The following ADAMTS12 variants were observed in gnomAD, a reference collection of about 807,000 sequenced individuals.
ADAMTS12 encodes ADAM metallopeptidase with thrombospondin type 1 motif 12.
In ADAMTS12, 118 loss-of-function variants were observed where a neutral mutation model predicts 167.8. The observed-to-expected ratio is 0.70, with a 90% CI of 0.61 to 0.82. ADAMTS12 has a LOEUF of 0.82. Ranked by LOEUF, ADAMTS12 falls within the 40% of genes least tolerant of loss-of-function variation. The probability of loss-of-function intolerance (pLI) is 0.00; values close to 1 mark genes in which losing one functional copy is unlikely to be tolerated. For missense variants in ADAMTS12, 1,916 were observed against 1,998.8 expected (o/e 0.96, Z 0.79); for synonymous variants, 704 against 716.9 (o/e 0.98, Z 0.29).
chr5:33,754,441 C>G (rs914585034), intron 2 of ADAMTS12, among the ~76,000 whole-genome samples: 1 of 152,202 alleles, frequency 6.6e-6, no homozygotes, highest in Non-Finnish European at 1.5e-5. Context: ...GATAAACATG[C>G]CCCTTCACCT....
chr5:33,730,059 T>G (rs975778911), intron 3 of ADAMTS12, among the ~76,000 whole-genome samples: 1 of 152,224 alleles, frequency 6.6e-6, no homozygotes, highest in African/African-American at 2.4e-5. Flanking sequence ...AGAAGGCTTC[T>G]TTCTTCCACC....
chr5:33,599,786 G>T (rs912612550), intron 16 of ADAMTS12, among the ~76,000 whole-genome samples: 1 of 152,054 alleles, frequency 6.6e-6, no homozygotes, highest in East Asian at 1.9e-4. Flanking sequence ...TCTGAAAATC[G>T]ATTGCTGAAA....
chr5:33,788,814 C>T (rs1277308338), intron 2 of ADAMTS12, among the ~76,000 whole-genome samples: 1 of 152,184 alleles, frequency 6.6e-6, no homozygotes, highest in Non-Finnish European at 1.5e-5. Context: ...CACACATTCA[C>T]CTTTGTTCTT....
chr5:33,861,506 A>G (rs1158741386), intron 2 of ADAMTS12, among the ~76,000 whole-genome samples: 1 of 152,228 alleles, frequency 6.6e-6, no homozygotes, highest in Non-Finnish European at 1.5e-5. Context: ...CACCCAATAC[A>G]GCAACACCCA....
At chr5:33,597,503 C>T (rs535893404) in intron 16 of ADAMTS12, among the ~76,000 whole-genome samples, 3 of 152,204 alleles carry the variant, frequency 2.0e-5, no homozygotes, top group Admixed American at 6.5e-5. Flanking sequence ...AGGGGCTTTC[C>T]CTCAGTCACA....
intron 2 of ADAMTS12, among the ~76,000 whole-genome samples, chr5:33,845,620 T>C (rs1363019459): frequency 1.3e-5 from 2 of 152,186 alleles, no homozygotes; most frequent in African/African-American, 4.8e-5. Context: ...TTTCAAAGCA[T>C]TTTCCCTCAA....
intron 3 of ADAMTS12, among the ~76,000 whole-genome samples, chr5:33,705,448 T>C (rs1345394070): frequency 6.6e-6 from 1 of 152,132 alleles, no homozygotes; most frequent in East Asian, 1.9e-4. Flanking sequence ...AGATGAATAG[T>C]TTTCCCATAT....
intron 3 of ADAMTS12, among the ~76,000 whole-genome samples, chr5:33,729,285 T>C (rs186334057): frequency 6.6e-6 from 1 of 152,360 alleles, no homozygotes; most frequent in East Asian, 1.9e-4. Context: ...TAAGCTTTTA[T>C]AGAGTGAATG....
At chr5:33,682,976 T>G in intron 5 of ADAMTS12, 42 bp downstream of exon 5, 1 of 1,546,372 alleles carries the variant, frequency 6.5e-7, no homozygotes, top group Non-Finnish European at 8.9e-7. Flanking sequence ...AGGTAGGAAG[T>G]GCGAGGACAT....
chr5:33,568,401 A>T (rs1746122761), intron 19 of ADAMTS12, among the ~76,000 whole-genome samples: 1 of 152,214 alleles, frequency 6.6e-6, no homozygotes, highest in Admixed American at 6.5e-5. Flanking sequence ...GCTTCTAGTC[A>T]ATTCCATGAC....
At chr5:33,601,856 T>C (rs1738205611) in intron 16 of ADAMTS12, among the ~76,000 whole-genome samples, 1 of 152,214 alleles carries the variant, frequency 6.6e-6, no homozygotes, top group Non-Finnish European at 1.5e-5. Context: ...AACATAAGAA[T>C]TTATATAAGA....
intron 1 of ADAMTS12, among the ~76,000 whole-genome samples, chr5:33,884,154 C>A (rs1750558894): frequency 1.3e-5 from 2 of 152,238 alleles, no homozygotes; most frequent in Non-Finnish European, 2.9e-5. Context: ...TCTGTGTCCA[C>A]TGGGAAACCT....
chr5:33,538,423 A>C (rs256641), intron 22 of ADAMTS12, among the ~76,000 whole-genome samples: 54,690 of 151,958 alleles, frequency 0.36, 10,925 homozygotes, highest in East Asian at 0.75. Context: ...GGGTGGGGAC[A>C]CAGAGCCAAA....
At chr5:33,748,777 G>A (rs2112386146) in intron 3 of ADAMTS12, among the ~76,000 whole-genome samples, 1 of 152,258 alleles carries the variant, frequency 6.6e-6, no homozygotes, top group South Asian at 2.1e-4. Context: ...TTTAATGTTG[G>A]TTAATGACAC....
At chr5:33,553,115 A>G (rs1579655875) in intron 20 of ADAMTS12, among the ~76,000 whole-genome samples, 1 of 152,236 alleles carries the variant, frequency 6.6e-6, no homozygotes, top group Non-Finnish European at 1.5e-5. Context: ...CATGAAAAAA[A>G]GCTCAATATC....
intron 21 of ADAMTS12, among the ~76,000 whole-genome samples, chr5:33,547,143 C>T (rs762792562): frequency 1.3e-4 from 20 of 152,150 alleles, no homozygotes; most frequent in Non-Finnish European, 2.9e-4. Context: ...GAGAGGAATT[C>T]CACATCTGGA....
At chr5:33,784,063 A>T (rs1481522189) in intron 2 of ADAMTS12, among the ~76,000 whole-genome samples, 1 of 151,946 alleles carries the variant, frequency 6.6e-6, no homozygotes, top group African/African-American at 2.4e-5. Context: ...TTTTTAAATC[A>T]ATTATTTTAA....
At chr5:33,760,794 C>A (rs1480390147) in intron 2 of ADAMTS12, among the ~76,000 whole-genome samples, 2 of 152,052 alleles carry the variant, frequency 1.3e-5, no homozygotes, top group Non-Finnish European at 2.9e-5. Context: ...CCAGAGTTTT[C>A]TGGTCATTTT....
intron 12 of ADAMTS12, among the ~76,000 whole-genome samples, chr5:33,632,085 C>T (rs1739968601): frequency 8.1e-6 from 1 of 124,110 alleles, no homozygotes; most frequent in African/African-American, 2.7e-5. Flanking sequence ...GCTGAACAAA[C>T]TTGAGACTGA....
Sources: allele counts gnomAD v4.1 joint callset (sites outside exome capture counted in the v4.1 genomes callset), GRCh38; gene constraint gnomAD v4.1.1; transcripts MANE v1.5; gene names NCBI Gene and HGNC (gene_info 2026-07-23, HGNC 2026-07-21).